Variants in MALRD1 observed in about 807,000 individuals in gnomAD.
MALRD1 encodes the protein MAM and LDL-receptor class A domain-containing protein 1.
Under a neutral mutation model 242.1 loss-of-function variants are expected in MALRD1, and 247 were observed. That is an observed-to-expected ratio of 1.02 (90% CI 0.92 to 1.13). The LOEUF is 1.13. Among genes scored for constraint, MALRD1 ranks in the 50% most tolerant of loss-of-function variants. The pLI is 0.00. For missense variants in MALRD1, 2,989 were observed against 2,533.1 expected, an observed-to-expected ratio of 1.18 and a Z score of -3.86; for synonymous variants, 995 against 866.6, an observed-to-expected ratio of 1.15 and a Z score of -2.60.
At chr10:19,533,205 G>A (rs1275653187) in intron 32 of MALRD1, among the ~76,000 whole-genome samples, 1 of 152,164 alleles carries the variant, frequency 6.6e-6, no homozygotes, top group East Asian at 1.9e-4. Flanking sequence ...CAGTTAAGTG[G>A]CCCTCTGTGT....
chr10:19,322,637 CTG>C (rs1842952067), intron 21 of MALRD1, among the ~76,000 whole-genome samples: 3 of 152,116 alleles, frequency 2.0e-5, no homozygotes, highest in Non-Finnish European at 4.4e-5. Context: ...CCAAACCCTG[CTG>C]TGTCTTTTGC....
chr10:19,186,311 G>T (rs1835735058), intron 14 of MALRD1, among the ~76,000 whole-genome samples: 1 of 152,182 alleles, frequency 6.6e-6, no homozygotes, highest in African/African-American at 2.4e-5. Flanking sequence ...ATGGGAGGTT[G>T]TTTCTGGTGA....
chr10:19,560,621 A>G (rs1835920589), intron 32 of MALRD1, among the ~76,000 whole-genome samples: 2 of 152,226 alleles, frequency 1.3e-5, no homozygotes, highest in African/African-American at 2.4e-5. Flanking sequence ...ACCATAGAAT[A>G]CTATGTAGCC....
In MALRD1 at chr10:19,566,130, T is replaced by C. The variant is rs139513503; in HGVS notation, c.5479-1372T>C. Among the ~76,000 whole-genome samples the C allele has an allele frequency of 3.4e-4, 52 of 151,866 alleles. No homozygotes were observed. The East Asian group carries it at 0.01, about 29-fold the overall frequency. The stretch of plus-strand genomic sequence containing the variant: ...TTATAGAATAAATTTTGGATATATA[T>C]TTTTTATTTATTTTTTGAGACACAG... On this transcript the variant is annotated intron_variant, in intron 32 of 39. Coordinates refer to ENST00000454679, the MANE Select transcript of MALRD1 (RefSeq NM_001142308.3).
chr10:19,582,537 A>G (rs1290624489), intron 33 of MALRD1, among the ~76,000 whole-genome samples: 2 of 135,158 alleles, frequency 1.5e-5, no homozygotes, highest in African/African-American at 2.6e-5. Flanking sequence ...AGTTGTAGAT[A>G]TGCGGCATTA....
chr10:19,711,891 A>G (rs1357967942), intron 38 of MALRD1, among the ~76,000 whole-genome samples: 1 of 152,162 alleles, frequency 6.6e-6, no homozygotes, highest in Non-Finnish European at 1.5e-5. Context: ...CAGGGAAGAA[A>G]TATAACCATC....
At chr10:19,166,214 G>A (rs1380720299) in intron 13 of MALRD1, among the ~76,000 whole-genome samples, 1 of 152,138 alleles carries the variant, frequency 6.6e-6, no homozygotes, top group African/African-American at 2.4e-5. Context: ...AGTCTGACGT[G>A]GGCTGTAATA....
intron 19 of MALRD1, among the ~76,000 whole-genome samples, chr10:19,266,572 C>A (rs1839983533): frequency 6.6e-6 from 1 of 151,488 alleles, no homozygotes; most frequent in East Asian, 1.9e-4. Context: ...AAAAATAATT[C>A]TAAATTCAGG....
chr10:19,622,657 A>C (rs1009137868), intron 36 of MALRD1, among the ~76,000 whole-genome samples: 5 of 149,580 alleles, frequency 3.3e-5, no homozygotes, highest in East Asian at 3.9e-4. Context: ...GAAAAAAAAA[A>C]AAACAAACTA....
intron 32 of MALRD1, among the ~76,000 whole-genome samples, 183 bp from the exon 33 acceptor site, chr10:19,567,319 C>T (rs1328796319): frequency 6.6e-6 from 1 of 151,958 alleles, no homozygotes; most frequent in East Asian, 1.9e-4. Flanking sequence ...GTCCTACTAA[C>T]CCAGGAAAAT....
intron 29 of MALRD1, among the ~76,000 whole-genome samples, chr10:19,479,664 G>T (rs1836898329): frequency 6.6e-6 from 1 of 152,116 alleles, no homozygotes; most frequent in Non-Finnish European, 1.5e-5. Context: ...TTTCATATCA[G>T]GCTACTGCTA....
chr10:19,691,058 A>G (rs537730511), intron 36 of MALRD1, among the ~76,000 whole-genome samples: 1 of 152,230 alleles, frequency 6.6e-6, no homozygotes, highest in South Asian at 2.1e-4. Flanking sequence ...TCTCTAGATC[A>G]TACCAGTGTG....
At chr10:19,502,749 G>A (rs1267352925) in intron 31 of MALRD1, among the ~76,000 whole-genome samples, 1 of 152,086 alleles carries the variant, frequency 6.6e-6, no homozygotes, top group Non-Finnish European at 1.5e-5. Flanking sequence ...TCCTAGGACG[G>A]TATTTGAAAA....
intron 35 of MALRD1, among the ~76,000 whole-genome samples, chr10:19,608,866 A>T (rs185541339): frequency 3.8e-4 from 58 of 152,172 alleles, no homozygotes; most frequent in African/African-American, 1.3e-3. Flanking sequence ...GCAAAGATGG[A>T]TACTCTGTCA....
chr10:19,612,408 C>A (rs537347412), intron 35 of MALRD1, among the ~76,000 whole-genome samples: 37 of 151,906 alleles, frequency 2.4e-4, no homozygotes, highest in Middle Eastern at 3.4e-3. Flanking sequence ...GGAAATACAT[C>A]CCCGGGAAAA....
At chr10:19,332,067 T>C (rs920770248) in intron 24 of MALRD1, among the ~76,000 whole-genome samples, 2 of 152,122 alleles carry the variant, frequency 1.3e-5, no homozygotes, top group Admixed American at 1.3e-4. Context: ...GGTTTCACCA[T>C]GTTGGCCAGG....
chr10:19,212,240 G>A (rs552611044), intron 18 of MALRD1, among the ~76,000 whole-genome samples: 2 of 152,126 alleles, frequency 1.3e-5, no homozygotes, highest in South Asian at 2.1e-4. Context: ...CATTTCTTTG[G>A]CCCCTCATTC....
intron 2 of MALRD1, among the ~76,000 whole-genome samples, chr10:19,080,431 T>G (rs1835449207): frequency 6.6e-6 from 1 of 151,736 alleles, no homozygotes. Flanking sequence ...CATAGACAAA[T>G]GGAACATAAT....
chr10:19,408,739 C>A (rs1833145089), intron 28 of MALRD1, among the ~76,000 whole-genome samples: 1 of 152,084 alleles, frequency 6.6e-6, no homozygotes, highest in East Asian at 1.9e-4. Flanking sequence ...ACACGCCGAC[C>A]AGAATAGTGA....
Sources: gnomAD v4.1 joint callset for allele counts (sites outside exome capture counted in the v4.1 genomes callset) on GRCh38, gnomAD v4.1.1 for gene constraint, MANE v1.5 for transcripts, NCBI Gene and HGNC (gene_info 2026-07-23, HGNC 2026-07-21) for gene names.